CAB39: variants seen among roughly 807,000 people sequenced by gnomAD.
The protein encoded by CAB39 is calcium binding protein 39.
CAB39 carries 8 observed loss-of-function variants against 40.0 expected under a neutral mutation model. That is an observed-to-expected ratio of 0.20 (90% CI 0.12 to 0.36). CAB39 has a LOEUF of 0.36. Ranked by LOEUF, CAB39 falls within the 10% of genes least tolerant of loss-of-function variation. The pLI is 1.00. For missense variants in CAB39, 270 were observed against 401.1 expected (o/e 0.67, Z 2.79); for synonymous variants, 156 against 141.6 (o/e 1.10, Z -0.72).
At chr2:230,787,413 A>C in intron 2 of CAB39, among the ~76,000 whole-genome samples, 1 of 152,198 alleles carries the variant, frequency 6.6e-6, no homozygotes, top group East Asian at 1.9e-4. Context: ...TAGCTAATAC[A>C]TTGGATGTCC....
chr2:230,725,521 TC>T, intron 1 of CAB39: 2 of 967,086 alleles, frequency 2.1e-6, no homozygotes, highest in Non-Finnish European at 3.2e-6. Context: ...TCAAATTTTG[TC>T]CTCATATTTT....
chr2:230,790,968 G>A lies in CAB39; in HGVS notation c.211G>A (p.Ala71Thr). 1 of 1,613,188 alleles carries A rather than the reference G, an allele frequency of 6.2e-7. No individual in the cohort carries two copies. Among genetic ancestry groups the A allele is most frequent in the Non-Finnish European group, 8.5e-7 (1 of 1,179,234 alleles). Residue 71 changes from alanine to threonine, a missense_variant, in exon 3 of 9, where the codon GCT becomes ACT. Physicochemically the swap from Ala to Thr is moderately conservative, Grantham distance 58. Coordinates refer to ENST00000258418, the MANE Select transcript of CAB39 (RefSeq NM_016289.4). ...EPQTEAVAQL[A>T]QELYNSGLLS... Reference sequence around the variant, plus strand: ...TCAGACAGAAGCAGTAGCTCAACTTGCTCAAGAACTCTATAATAGTGGGCT... The same window carrying A: ...TCAGACAGAAGCAGTAGCTCAACTTACTCAAGAACTCTATAATAGTGGGCT...
chr2:230,796,688 C>T (rs978329300), intron 4 of CAB39, among the ~76,000 whole-genome samples: 1 of 151,552 alleles, frequency 6.6e-6, no homozygotes, highest in African/African-American at 2.4e-5. Context: ...AAGAGGACAC[C>T]ACTACTAGAT....
intron 5 of CAB39, among the ~76,000 whole-genome samples, chr2:230,803,062 C>A (rs2124971674): frequency 6.6e-6 from 1 of 152,318 alleles, no homozygotes; most frequent in Admixed American, 6.5e-5. Context: ...CCACCACGAT[C>A]AAGTGGGCTT....
At chr2:230,814,343 T>A (rs771157416) in intron 7 of CAB39, among the ~76,000 whole-genome samples, 1 of 152,130 alleles carries the variant, frequency 6.6e-6, no homozygotes, top group Non-Finnish European at 1.5e-5. Flanking sequence ...AACGGGAGTT[T>A]GAAGAAGACT....
At chr2:230,814,183 G>A in intron 7 of CAB39, 69 bp downstream of exon 7, 1 of 799,650 alleles carries the variant, frequency 1.3e-6, no homozygotes, top group South Asian at 1.7e-5. Flanking sequence ...TTGGGGAAAG[G>A]GAGATGTGCA....
At position 230,804,231 on chromosome 2, in the gene CAB39, C is replaced by T. The variant is rs549890251; in HGVS notation, c.567+5334C>T. ...GCTGAAACTGGACACCTTCCTTACACCTTATACAAAACTTAATTCAAGATG... is the reference window on the plus strand; with the variant it reads ...GCTGAAACTGGACACCTTCCTTACATCTTATACAAAACTTAATTCAAGATG... On this transcript the variant is annotated intron_variant, in intron 5 of 8. Transcript: ENST00000258418. Among the ~76,000 whole-genome samples the T allele has an allele frequency of 4.6e-5, 7 of 152,284 alleles. No homozygotes were observed. The East Asian group carries it at 9.6e-4, about 21-fold the overall frequency.
intron 3 of CAB39, among the ~76,000 whole-genome samples, chr2:230,791,909 T>TGA (rs1695899041): frequency 6.6e-6 from 1 of 152,220 alleles, no homozygotes; most frequent in Admixed American, 6.5e-5. Context: ...CCATGCCTCT[T>TGA]TAACTCTTTG....
rs112986398 is a variant in CAB39 at position 230,781,264 on chromosome 2, A to G, written c.115-9608A>G. On this transcript the variant is annotated intron_variant, in intron 2 of 8. Transcript: ENST00000258418. The stretch of plus-strand genomic sequence containing the variant: ...AGGAGGAGTGAAGCTAGATGTTCAG[A>G]TAAAGGAGTAAAGAGAGACTAATGG... Among the ~76,000 whole-genome samples the G allele has an allele frequency of 4.7e-3, 716 of 152,306 alleles. 5 individuals are homozygous for G. The highest frequency in any genetic ancestry group is 0.016 in the African/African-American group (673 of 41,562).
intron 7 of CAB39, among the ~76,000 whole-genome samples, chr2:230,817,060 T>C (rs1040083138): frequency 3.9e-5 from 6 of 152,358 alleles, no homozygotes; most frequent in African/African-American, 9.6e-5. Flanking sequence ...TTAAAAGTTA[T>C]GAGTTTATAT....
intron 1 of CAB39, among the ~76,000 whole-genome samples, chr2:230,747,375 C>T (rs1371825308): frequency 2.6e-5 from 4 of 152,202 alleles, no homozygotes; most frequent in Non-Finnish European, 5.9e-5. Context: ...GCACTATGAA[C>T]CACTTGTTGA....
intron 2 of CAB39, 27 bp downstream of exon 2, chr2:230,760,142 G>C (rs1441749519): frequency 2.1e-6 from 3 of 1,398,856 alleles, no homozygotes; most frequent in African/African-American, 2.8e-5. Context: ...ATTTATATTT[G>C]AAATATCTTA....
chr2:230,813,891 G>T, intron 6 of CAB39, 158 bp from the exon 7 acceptor site: 1 of 535,468 alleles, frequency 1.9e-6, no homozygotes, highest in East Asian at 3.4e-5. Flanking sequence ...AGACATGAAA[G>T]AGAGTGGCAG....
chr2:230,725,281 C>T, intron 1 of CAB39: 1 of 1,575,038 alleles, frequency 6.3e-7, no homozygotes, highest in Non-Finnish European at 8.7e-7. Context: ...CAACGTAGGC[C>T]TTGTCAAAGC....
intron 4 of CAB39, among the ~76,000 whole-genome samples, chr2:230,794,171 C>T (rs1419861747): frequency 6.6e-6 from 1 of 152,190 alleles, no homozygotes; most frequent in Non-Finnish European, 1.5e-5. Flanking sequence ...TATAGCTTGC[C>T]TCAGTCTGAT....
chr2:230,747,190 G>A (rs754040754), intron 1 of CAB39, among the ~76,000 whole-genome samples: 8 of 152,048 alleles, frequency 5.3e-5, no homozygotes, highest in East Asian at 1.9e-4. Flanking sequence ...ACATCACTGC[G>A]CTCCAGCCTG....
chr2:230,815,401 A>G (rs1696382276), intron 7 of CAB39, among the ~76,000 whole-genome samples: 1 of 152,124 alleles, frequency 6.6e-6, no homozygotes, highest in South Asian at 2.1e-4. Flanking sequence ...CCTGGACATC[A>G]GTGTGTGAGA....
intron 4 of CAB39, among the ~76,000 whole-genome samples, chr2:230,794,901 A>G (rs980422150): frequency 2.0e-5 from 3 of 152,170 alleles, no homozygotes; most frequent in Admixed American, 6.5e-5. Flanking sequence ...TTACGTTACC[A>G]TTTGCAAACC....
chr2:230,775,781 C>G (rs1412501904), intron 2 of CAB39, among the ~76,000 whole-genome samples: 1 of 152,120 alleles, frequency 6.6e-6, no homozygotes, highest in Non-Finnish European at 1.5e-5. Context: ...TTGATTGAAT[C>G]CACAGACATT....
Sources: allele counts gnomAD v4.1 joint callset (sites outside exome capture counted in the v4.1 genomes callset), GRCh38; gene constraint gnomAD v4.1.1; transcripts MANE v1.5; gene names NCBI Gene and HGNC (gene_info 2026-07-23, HGNC 2026-07-21).